ATP6V0A4: variants seen among roughly 807,000 people sequenced by gnomAD.
ATP6V0A4 encodes V-type proton ATPase 116 kDa subunit a 4.
In ATP6V0A4, 86 loss-of-function variants were observed where a neutral mutation model predicts 107.3. That is an observed-to-expected ratio of 0.80 (90% confidence interval 0.67 to 0.96). ATP6V0A4 has a LOEUF of 0.96. Ranked by LOEUF, ATP6V0A4 falls within the 40% of genes least tolerant of loss-of-function variation. The pLI is 0.00. For synonymous variants in ATP6V0A4, 353 were observed against 381.4 expected (o/e 0.93, Z 0.87); for missense variants, 908 against 1,045.6 (o/e 0.87, Z 1.81).
In ATP6V0A4 at chr7:138,759,855, C is replaced by T; in HGVS notation, c.536G>A (p.Arg179Lys). ...KLGFIAGVIN[R>K]ERMASFERLL... ...CCGCTCAAAGGAAGCCATCCTCTCC[C>T]TGTTGATCACACCGGCTATGAACCT... Residue 179 changes from arginine (R) to lysine (K), a missense_variant, in exon 8 of 22, where the codon AGG becomes AAG. By Grantham distance (26) the Arg-to-Lys change is conservative (BLOSUM62 2). Transcript: ENST00000310018. 2 of 1,614,134 alleles carry T rather than the reference C, an allele frequency of 1.2e-6. No homozygotes were observed. Among genetic ancestry groups the T allele is most frequent in the Non-Finnish European group, 1.7e-6 (2 of 1,180,032 alleles).
chr7:138,779,486 C>T (rs566891742), intron 2 of ATP6V0A4, among the ~76,000 whole-genome samples: 2 of 152,280 alleles, frequency 1.3e-5, no homozygotes, highest in South Asian at 4.1e-4. Context: ...CATCCAGAAA[C>T]AATGTTTTAC....
At chr7:138,775,358 G>T (rs1310674118) in intron 2 of ATP6V0A4, among the ~76,000 whole-genome samples, 1 of 152,052 alleles carries the variant, frequency 6.6e-6, no homozygotes, top group Admixed American at 6.6e-5. Flanking sequence ...AAAAGATAAG[G>T]ATTCTTTTAT....
At chr7:138,780,507 G>A (rs1788507726) in intron 2 of ATP6V0A4, among the ~76,000 whole-genome samples, 1 of 152,184 alleles carries the variant, frequency 6.6e-6, no homozygotes, top group African/African-American at 2.4e-5. Context: ...CCAGGGAATA[G>A]TGCCATCTTG....
chr7:138,770,538 T>A (rs1807329361), intron 3 of ATP6V0A4, among the ~76,000 whole-genome samples: 2 of 152,222 alleles, frequency 1.3e-5, no homozygotes, highest in Non-Finnish European at 2.9e-5. Flanking sequence ...GATTCTTCCC[T>A]GCAGGAGCTT....
chr7:138,769,015 AC>A (rs1563012158), intron 4 of ATP6V0A4, 141 bp from the exon 5 acceptor site: 2 of 1,557,456 alleles, frequency 1.3e-6, no homozygotes, highest in South Asian at 1.2e-5. Flanking sequence ...CCTGGATCCC[AC>A]CCCCAACCTC....
At chr7:138,713,200 G>A (rs1458993863) in intron 20 of ATP6V0A4, among the ~76,000 whole-genome samples, 1 of 151,342 alleles carries the variant, frequency 6.6e-6, no homozygotes, top group South Asian at 2.1e-4. Flanking sequence ...AGCTACTCAG[G>A]AGGCTGAGGC....
chr7:138,707,181 A>ATTAT (rs1432328563), intron 21 of ATP6V0A4, among the ~76,000 whole-genome samples: 2 of 62,786 alleles, frequency 3.2e-5, no homozygotes, highest in Non-Finnish European at 5.7e-5. Context: ...TATATTATAT[A>ATTAT]ATATATTATA....
chr7:138,714,854 A>G lies in ATP6V0A4; in HGVS notation c.2257+910T>C, dbSNP rs748202227. Among the ~76,000 whole-genome samples, 81 of 152,348 alleles carry G rather than the reference A, an allele frequency of 5.3e-4. 1 individual carries two copies. The highest frequency in any genetic ancestry group is 9.1e-4 in the Non-Finnish European group (62 of 68,036). On this transcript the variant is annotated intron_variant, in intron 20 of 21. Coordinates refer to ENST00000310018, the MANE Select transcript of ATP6V0A4 (RefSeq NM_020632.3). Reference sequence around the variant, plus strand: ...AATCCTAATAACCTGTCAACATACTATATTACATGGCAACAGTGGCTTTGC... The same window carrying G: ...AATCCTAATAACCTGTCAACATACTGTATTACATGGCAACAGTGGCTTTGC...
chr7:138,783,417 A>AT (rs1028005154), intron 2 of ATP6V0A4, among the ~76,000 whole-genome samples: 12 of 152,108 alleles, frequency 7.9e-5, no homozygotes, highest in East Asian at 3.9e-4. Flanking sequence ...TTTAAAAAAA[A>AT]TTTTTTTAAT....
At chr7:138,735,517 C>G (rs948357917) in intron 15 of ATP6V0A4, among the ~76,000 whole-genome samples, 2 of 152,216 alleles carry the variant, frequency 1.3e-5, no homozygotes, top group African/African-American at 4.8e-5. Flanking sequence ...CTCACACAGT[C>G]AGGTGCTAAT....
chr7:138,752,733 G>A lies in ATP6V0A4; in HGVS notation c.921C>T (p.His307=), dbSNP rs1170603808. The A allele has an allele frequency of 7.4e-6, 12 of 1,614,184 alleles. No individual in the cohort carries two copies. The highest frequency in any genetic ancestry group is 1.3e-5 in the African/African-American group (1 of 75,064). ...IKVQKMKAVY[H]ILNMCNIDVT... Reference sequence around the variant, plus strand: ...CGTCGATGTTGCACATGTTCAGGATGTGGTAGACAGCTTTCATCTTCTGCA... The same window carrying A: ...CGTCGATGTTGCACATGTTCAGGATATGGTAGACAGCTTTCATCTTCTGCA... Residue 307 remains histidine, a synonymous_variant, in exon 11 of 22, where the codon CAC becomes CAT. Transcript: ENST00000310018.
chr7:138,766,192 ATGT>A (rs1352808965), intron 5 of ATP6V0A4, among the ~76,000 whole-genome samples: 2 of 143,596 alleles, frequency 1.4e-5, no homozygotes, highest in Admixed American at 1.4e-4. Context: ...TTAAAATATC[ATGT>A]TATTATTATT....
Position 138,797,919 on chromosome 7 carries a change from G to A in ATP6V0A4, c.-121+115C>T, listed in dbSNP as rs1051916710. On this transcript the variant is annotated intron_variant, in intron 1 of 21. Transcript: ENST00000310018. The stretch of plus-strand genomic sequence containing the variant: ...TTCCCTTCTAGAGAGGTGAGAGAAG[G>A]TGTGACAGGCCAAGTTTCCTTTGCT... 3.5e-6 allele frequency: 5 copies of A among 1,448,394 alleles called. No individual in the cohort carries two copies. The African/African-American group carries it at 7.0e-5, about 20-fold the overall frequency. The allele number at this position is 1,448,394 out of a possible 1,614,324, so 89.7% of individuals were successfully genotyped here. A position where few individuals can be genotyped will look rare whatever the true frequency, so the allele number is the denominator to read the frequency against.
rs1807501051 is a variant in ATP6V0A4, at chr7:138,773,532, A to G, written c.-17-2268T>C. ...CCCCACACACAAACCAGTGAAGTCC[A>G]CGAGGCTAGAACCATTCCCTGTTTC... is the stretch of plus-strand genomic sequence containing the variant. On this transcript the variant is annotated intron_variant, in intron 2 of 21. Transcript: ENST00000310018. This position sits in a 1 kb window ranked among gnomAD's most constrained non-coding sequence, Gnocchi z 5.4. 6.6e-6 allele frequency among the ~76,000 whole-genome samples: 1 copy of G among 152,188 alleles called. No individual in the cohort carries two copies. Among genetic ancestry groups the G allele is most frequent in the Non-Finnish European group, 1.5e-5 (1 of 68,034 alleles).
rs147596118 is a variant in ATP6V0A4 at position 138,796,121 on chromosome 7, C to T, written c.-121+1913G>A. Among the ~76,000 whole-genome samples the T allele has an allele frequency of 7.3e-3, 1,114 of 152,196 alleles. 13 individuals are homozygous for T. Among genetic ancestry groups the T allele is most frequent in the African/African-American group, 0.025 (1,057 of 41,534 alleles). On this transcript the variant is annotated intron_variant, in intron 1 of 21. Coordinates refer to ENST00000310018, the MANE Select transcript of ATP6V0A4 (RefSeq NM_020632.3). ...CAGGGTTTACTTGTGAGGAAAACAT[C>T]GAGGACAGCATTTGTTCTACTAAGC...
At chr7:138,724,377 G>T (rs1484900758) in intron 18 of ATP6V0A4, among the ~76,000 whole-genome samples, 1 of 152,126 alleles carries the variant, frequency 6.6e-6, no homozygotes, top group East Asian at 1.9e-4. Context: ...TGAGGGCCTT[G>T]TATGTGCACA....
At chr7:138,718,045 T>A (rs1370531792) in intron 19 of ATP6V0A4, among the ~76,000 whole-genome samples, 4 of 42,396 alleles carry the variant, frequency 9.4e-5, no homozygotes, top group African/African-American at 1.7e-4. Context: ...CAGGAAGGAG[T>A]GGGGGGGTAC....
In ATP6V0A4 at chr7:138,789,812, A is replaced by C. The variant is rs181004508; in HGVS notation, c.-120-3552T>G. Among the ~76,000 whole-genome samples the C allele has an allele frequency of 7.7e-4, 116 of 151,430 alleles. 1 individual carries two copies. Among genetic ancestry groups the C allele is most frequent in the Non-Finnish European group, 1.3e-3 (90 of 67,850 alleles). ...ATGGAGAACTCTGTCTCTACTAAAAATACAAAATTAGCTGGGCATGGTGGT... is the reference window on the plus strand; with the variant it reads ...ATGGAGAACTCTGTCTCTACTAAAACTACAAAATTAGCTGGGCATGGTGGT... On this transcript the variant is annotated intron_variant, in intron 1 of 21. Coordinates refer to ENST00000310018, the MANE Select transcript of ATP6V0A4 (RefSeq NM_020632.3).
chr7:138,740,137 A>T (rs1805551432), intron 14 of ATP6V0A4, among the ~76,000 whole-genome samples: 4 of 151,028 alleles, frequency 2.6e-5, no homozygotes, highest in Non-Finnish European at 4.4e-5. Context: ...AGGGGACAGA[A>T]GGGGAAAGGG....
Sources: gnomAD v4.1 joint callset for allele counts (sites outside exome capture counted in the v4.1 genomes callset) on GRCh38, gnomAD v4.1.1 for gene constraint, Gnocchi (gnomAD v3.1) non-coding constraint, MANE v1.5 for transcripts, NCBI Gene and HGNC (gene_info 2026-07-23, HGNC 2026-07-21) for gene names.